Variants in DENND2A observed in about 807,000 individuals in gnomAD.
The protein encoded by DENND2A is DENN domain containing 2A.
In DENND2A, 53 loss-of-function variants were observed where a neutral mutation model predicts 105.3. The observed-to-expected ratio is 0.50, with a 90% CI of 0.40 to 0.63. DENND2A has a LOEUF of 0.63. Among genes scored for constraint, DENND2A ranks in the 30% least tolerant of loss-of-function variants. The pLI, the probability that DENND2A is intolerant of heterozygous loss-of-function variation, is 0.00. For missense variants in DENND2A, 1,138 were observed against 1,279.6 expected, an observed-to-expected ratio of 0.89 and a Z score of 1.69; for synonymous variants, 522 against 508.4, an observed-to-expected ratio of 1.03 and a Z score of -0.36.
chr7:140,551,066 C>T (rs753131890), intron 12 of DENND2A, among the ~76,000 whole-genome samples: 3 of 151,298 alleles, frequency 2.0e-5, no homozygotes, highest in Non-Finnish European at 4.4e-5. Flanking sequence ...TTTGGGATGC[C>T]GAGGCAAGCA....
At chr7:140,615,186 A>G (rs1419895219) in intron 1 of DENND2A, among the ~76,000 whole-genome samples, 1 of 152,232 alleles carries the variant, frequency 6.6e-6, no homozygotes, top group Non-Finnish European at 1.5e-5. Context: ...GTTTTAAAAA[A>G]ATTAAAATGG....
At position 140,541,252 on chromosome 7, in the gene DENND2A, A is replaced by C. The variant is rs559563458; in HGVS notation, c.2327+3366T>G. On this transcript the variant is annotated intron_variant, in intron 14 of 19. Transcript: ENST00000496613. ...TACTTTTACCAGAAAAATGGATGAT[A>C]CTTTGTTTTCTTCCCCCTGGAGGGA... Among the ~76,000 whole-genome samples the C allele has an allele frequency of 2.0e-5, 3 of 151,972 alleles. No individual in the cohort carries two copies. In the East Asian group the frequency reaches 5.8e-4, roughly 29 times the overall value.
chr7:140,603,248 TG>T (rs1258661114), intron 2 of DENND2A, among the ~76,000 whole-genome samples: 9 of 152,092 alleles, frequency 5.9e-5, no homozygotes, highest in African/African-American at 2.2e-4. Context: ...ATTGCACCAC[TG>T]CACTCCAGCC....
chr7:140,615,988 A>G (rs1800071770), intron 1 of DENND2A, among the ~76,000 whole-genome samples: 1 of 152,248 alleles, frequency 6.6e-6, no homozygotes, highest in Admixed American at 6.5e-5. Context: ...AACATGGATG[A>G]ACCCTGAAAA....
rs1795932128 is a variant in DENND2A at position 140,523,390 on chromosome 7, A to G, written c.2582T>C (p.Leu861Pro). The change falls in exon 17 of 20, where the codon CTT becomes CCT. Residue 861 changes from leucine (L) to proline (P), a missense_variant. Physicochemically the swap from Leu to Pro is moderately conservative, Grantham distance 98 (BLOSUM62 -3). Around this residue, in one of 2 missense-constraint regions of DENND2A, gnomAD observed 627 missense variants for 779.8 expected, o/e 0.80. Transcript: ENST00000496613. The surrounding 1 kb of genome is among the most constrained non-coding windows in gnomAD (Gnocchi z 4.5). ...DDEDSILPRK[L>P]QVALEHILEQ... ...CAGAATGTGTTCCAGGGCCACCTGA[A>G]GCTTCCGGGGCAGGATGGAGTCCTC... The G allele has an allele frequency of 1.2e-6, 2 of 1,614,180 alleles. No homozygotes were observed. The highest frequency in any genetic ancestry group is 1.7e-6 in the Non-Finnish European group (2 of 1,180,030).
intron 6 of DENND2A, among the ~76,000 whole-genome samples, chr7:140,570,507 A>G (rs1681789): frequency 0.52 from 78,838 of 152,068 alleles, 22,888 homozygotes; most frequent in African/African-American, 0.79. Context: ...GAGTGGGGTG[A>G]GAACCGGGAT....
chr7:140,555,512 A>T (rs1487076905), intron 12 of DENND2A, 124 bp downstream of exon 12: 2 of 821,140 alleles, frequency 2.4e-6, no homozygotes, highest in Non-Finnish European at 3.9e-6. Context: ...GGAGTGAAGA[A>T]ATGGGAAGGG....
intron 9 of DENND2A, among the ~76,000 whole-genome samples, chr7:140,560,654 G>A (rs1044015058): frequency 2.0e-4 from 30 of 151,954 alleles, no homozygotes; most frequent in African/African-American, 6.3e-4. Context: ...AACAAGGGCC[G>A]GGAGTGGTGG....
chr7:140,566,400 G>A (rs1320737321), intron 9 of DENND2A, among the ~76,000 whole-genome samples: 1 of 152,106 alleles, frequency 6.6e-6, no homozygotes, highest in Non-Finnish European at 1.5e-5. Context: ...TTTCTTGTGT[G>A]AGATCCAAGA....
At chr7:140,557,075 G>A (rs950393172) in intron 11 of DENND2A, among the ~76,000 whole-genome samples, 5 of 152,102 alleles carry the variant, frequency 3.3e-5, no homozygotes, top group African/African-American at 7.2e-5. Flanking sequence ...CGCTTAAAGA[G>A]AGAAAGGTCT....
intron 12 of DENND2A, among the ~76,000 whole-genome samples, 181 bp from the exon 13 acceptor site, chr7:140,547,120 CTG>C (rs1023655971): frequency 1.3e-5 from 2 of 152,240 alleles, no homozygotes; most frequent in Admixed American, 6.5e-5. Context: ...CTTCTCTCCT[CTG>C]TGTGTCCACA....
chr7:140,571,129 G>A (rs1050807307), intron 6 of DENND2A, among the ~76,000 whole-genome samples: 1 of 152,180 alleles, frequency 6.6e-6, no homozygotes, highest in Non-Finnish European at 1.5e-5. Flanking sequence ...AATATAGGAT[G>A]GTAATCAATT....
intron 9 of DENND2A, among the ~76,000 whole-genome samples, chr7:140,560,939 A>G (rs1277184641): frequency 6.6e-6 from 1 of 152,184 alleles, no homozygotes; most frequent in Non-Finnish European, 1.5e-5. Flanking sequence ...AAGAAAAAAA[A>G]AAGGACAGGA....
intron 19 of DENND2A, 147 bp downstream of exon 19, chr7:140,519,485 G>T: frequency 1.6e-6 from 1 of 614,842 alleles, no homozygotes. Flanking sequence ...AGAACAGGAG[G>T]TTAAAATGCC....
intron 3 of DENND2A, among the ~76,000 whole-genome samples, chr7:140,591,709 C>CTT (rs1554475952): frequency 9.9e-4 from 95 of 96,432 alleles, no homozygotes; most frequent in African/African-American, 5.9e-3. Context: ...TTCCTTCCTT[C>CTT]TTTCTCTCTC....
At chr7:140,535,300 C>T (rs943593622) in intron 14 of DENND2A, among the ~76,000 whole-genome samples, 1 of 152,196 alleles carries the variant, frequency 6.6e-6, no homozygotes, top group Admixed American at 6.5e-5. Context: ...GGTAAATTCA[C>T]GTGTGGTCTG....
chr7:140,595,116 C>T (rs537880939), intron 3 of DENND2A, among the ~76,000 whole-genome samples: 38 of 152,232 alleles, frequency 2.5e-4, no homozygotes, highest in South Asian at 1.2e-3. Flanking sequence ...ATGTGATTCT[C>T]CTGCCTCAGC....
chr7:140,558,038 A>C, intron 11 of DENND2A, 105 bp downstream of exon 11: 1 of 848,324 alleles, frequency 1.2e-6, no homozygotes. Context: ...CCTGTGCCTC[A>C]TCAGGGAATC....
intron 1 of DENND2A, among the ~76,000 whole-genome samples, chr7:140,631,440 C>G (rs1800729365): frequency 6.6e-6 from 1 of 152,036 alleles, no homozygotes; most frequent in Admixed American, 6.6e-5. Flanking sequence ...GGAATCTTGG[C>G]TGTCCTATAT....
Sources: gnomAD v4.1 joint callset for allele counts (sites outside exome capture counted in the v4.1 genomes callset) on GRCh38, gnomAD v4.1.1 for gene constraint, gnomAD v4.1.1 regional missense constraint, Gnocchi (gnomAD v3.1) non-coding constraint, MANE v1.5 for transcripts, NCBI Gene and HGNC (gene_info 2026-07-23, HGNC 2026-07-21) for gene names.